UBR3: variants seen among roughly 807,000 people sequenced by gnomAD.
The protein encoded by UBR3 is ubiquitin protein ligase E3 component n-recognin 3, also known as E3 ubiquitin-protein ligase UBR3.
A neutral mutation model predicts 243.2 loss-of-function variants in UBR3; 85 were observed. That is an observed-to-expected ratio of 0.35 (90% CI 0.29 to 0.42). The LOEUF (loss-of-function observed/expected upper bound fraction) is 0.42, where lower values mean the gene tolerates loss of function less well. Among genes scored for constraint, UBR3 ranks in the 10% least tolerant of loss-of-function variants. The probability of loss-of-function intolerance (pLI) is 1.00; values close to 1 mark genes in which losing one functional copy is unlikely to be tolerated. For missense variants in UBR3, 1,686 were observed against 2,300.8 expected (o/e 0.73, Z 5.47); for synonymous variants, 748 against 799.8 (o/e 0.94, Z 1.09).
chr2:170,079,627 G>A (rs1405589322), intron 36 of UBR3, among the ~76,000 whole-genome samples, 187 bp from the exon 37 acceptor site: 1 of 152,076 alleles, frequency 6.6e-6, no homozygotes, highest in Admixed American at 6.5e-5. Context: ...TAATACATTA[G>A]ATAATGGTAA....
At chr2:169,856,879 C>T (rs1051417233) in intron 1 of UBR3, among the ~76,000 whole-genome samples, 3 of 151,920 alleles carry the variant, frequency 2.0e-5, no homozygotes, top group African/African-American at 7.3e-5. Flanking sequence ...TACTACCTGG[C>T]TAGCATAGTA....
chr2:169,863,733 T>C (rs1177927085), intron 1 of UBR3, among the ~76,000 whole-genome samples: 2 of 152,238 alleles, frequency 1.3e-5, no homozygotes, highest in Non-Finnish European at 2.9e-5. Flanking sequence ...GTTAGCTCAC[T>C]TGACTTACTG....
intron 35 of UBR3, among the ~76,000 whole-genome samples, chr2:170,065,555 G>A (rs970822806): frequency 1.3e-5 from 2 of 152,154 alleles, no homozygotes; most frequent in Admixed American, 6.5e-5. Flanking sequence ...AGCTCCCAAA[G>A]TGCTTGGATT....
intron 14 of UBR3, among the ~76,000 whole-genome samples, chr2:169,925,988 T>C (rs948376659): frequency 2.0e-5 from 3 of 151,182 alleles, no homozygotes; most frequent in African/African-American, 7.3e-5. Context: ...AGAGCCTTTA[T>C]TGGGGTTTCT....
intron 1 of UBR3, among the ~76,000 whole-genome samples, chr2:169,831,088 C>T (rs1276648797): frequency 2.2e-5 from 3 of 135,670 alleles, no homozygotes; most frequent in African/African-American, 8.2e-5. Flanking sequence ...AGTCTGGCAA[C>T]CCTCTATGAG....
At chr2:169,881,991 G>T (rs1256374758) in intron 5 of UBR3, among the ~76,000 whole-genome samples, 2 of 116,722 alleles carry the variant, frequency 1.7e-5, no homozygotes, top group African/African-American at 6.6e-5. Flanking sequence ...ATATGTATAT[G>T]TATATTTATA....
chr2:169,950,621 A>T lies in UBR3; in HGVS notation c.3545+556A>T, dbSNP rs533973384. ...TTTTTCATCTTTTGACTTTCTTGAA[A>T]AAAAAATGGGATTTTTTTAAAATCT... On this transcript the variant is annotated intron_variant, in intron 23 of 38. Coordinates refer to ENST00000272793, the MANE Select transcript of UBR3 (RefSeq NM_172070.4). 2.0e-5 allele frequency among the ~76,000 whole-genome samples: 3 copies of T among 146,872 alleles called. No individual in the cohort carries two copies. The East Asian group carries it at 5.9e-4, about 29-fold the overall frequency.
intron 1 of UBR3, among the ~76,000 whole-genome samples, chr2:169,855,198 T>C (rs1314884340): frequency 6.6e-6 from 1 of 152,192 alleles, no homozygotes; most frequent in African/African-American, 2.4e-5. Flanking sequence ...GAGATCCTGC[T>C]CTAAATCACC....
At chr2:169,907,188 C>T (rs545468689) in intron 10 of UBR3, among the ~76,000 whole-genome samples, 21 of 151,656 alleles carry the variant, frequency 1.4e-4, no homozygotes, top group African/African-American at 4.6e-4. Flanking sequence ...AGGTGTGCAC[C>T]GGCACACCTG....
chr2:169,977,352 A>T lies in UBR3; in HGVS notation c.3635-9293A>T, dbSNP rs555251949. On this transcript the variant is annotated intron_variant, in intron 24 of 38. Transcript: ENST00000272793. ...AGTTTACTGGGGAGAATTGGCTTAC[A>T]TAATTACAAAGGTGACATCCCATGA... Among the ~76,000 whole-genome samples the T allele has an allele frequency of 4.6e-5, 7 of 152,352 alleles. No homozygotes were observed. In the East Asian group the frequency reaches 1.3e-3, roughly 29 times the overall value.
At chr2:170,030,901 C>G (rs967528331) in intron 31 of UBR3, among the ~76,000 whole-genome samples, 4 of 152,006 alleles carry the variant, frequency 2.6e-5, no homozygotes, top group African/African-American at 9.7e-5. Flanking sequence ...ATTTGCATTT[C>G]TTTTTATGAA....
At chr2:170,043,859 G>C (rs1344829325) in intron 32 of UBR3, among the ~76,000 whole-genome samples, 1 of 152,134 alleles carries the variant, frequency 6.6e-6, no homozygotes, top group African/African-American at 2.4e-5. Flanking sequence ...GGATTATCTT[G>C]ATATTAGATT....
At chr2:169,990,661 A>G (rs1486807304) in intron 25 of UBR3, among the ~76,000 whole-genome samples, 2 of 151,774 alleles carry the variant, frequency 1.3e-5, no homozygotes, top group African/African-American at 4.8e-5. Context: ...TTTGATTGTT[A>G]CAAAGTGAAG....
chr2:170,035,517 C>T (rs2105427468), intron 31 of UBR3, among the ~76,000 whole-genome samples: 1 of 151,976 alleles, frequency 6.6e-6, no homozygotes, highest in Non-Finnish European at 1.5e-5. Flanking sequence ...TTCCATTGAT[C>T]TTATTTGTGT....
chr2:170,001,909 T>A (rs1232180702), intron 27 of UBR3, among the ~76,000 whole-genome samples: 2 of 24,396 alleles, frequency 8.2e-5, no homozygotes, highest in East Asian at 1.6e-3. Flanking sequence ...AGAGACTCCA[T>A]CTCAAAAAAA....
intron 8 of UBR3, among the ~76,000 whole-genome samples, chr2:169,899,658 C>T (rs6717009): frequency 0.18 from 27,595 of 151,974 alleles, 2,759 homozygotes; most frequent in East Asian, 0.37. Flanking sequence ...TTCCTCCCCC[C>T]GCCCCTTGCC....
At chr2:170,004,063 T>C (rs750671885) in intron 27 of UBR3, among the ~76,000 whole-genome samples, 9 of 152,228 alleles carry the variant, frequency 5.9e-5, no homozygotes, top group Non-Finnish European at 1.2e-4. Context: ...ATTTGGACTT[T>C]ATGTAGATTC....
At chr2:170,054,094 T>G (rs1349493841) in intron 32 of UBR3, among the ~76,000 whole-genome samples, 1 of 152,202 alleles carries the variant, frequency 6.6e-6, no homozygotes, top group African/African-American at 2.4e-5. Context: ...TTACATATTG[T>G]TACTACTATT....
At chr2:169,965,151 A>C (rs933015990) in intron 24 of UBR3, among the ~76,000 whole-genome samples, 1 of 152,180 alleles carries the variant, frequency 6.6e-6, no homozygotes, top group Admixed American at 6.6e-5. Flanking sequence ...AAAACTTGCA[A>C]AGTCACATGT....
Sources: allele counts gnomAD v4.1 joint callset (sites outside exome capture counted in the v4.1 genomes callset), GRCh38; gene constraint gnomAD v4.1.1; transcripts MANE v1.5; gene names NCBI Gene and HGNC (gene_info 2026-07-23, HGNC 2026-07-21).